UBE2D2: variants seen among roughly 807,000 people sequenced by gnomAD.
UBE2D2 encodes the protein ubiquitin-conjugating enzyme E2 D2.
A neutral mutation model predicts 24.2 loss-of-function variants in UBE2D2; 2 were observed. The observed-to-expected ratio is 0.08, with a 90% confidence interval of 0.03 to 0.26. UBE2D2 has a LOEUF of 0.26. Among genes scored for constraint, UBE2D2 ranks in the 10% least tolerant of loss-of-function variants. The pLI is 1.00. For synonymous variants in UBE2D2, 58 were observed against 56.5 expected (o/e 1.03, Z -0.12); for missense variants, 44 against 177.6 (o/e 0.25, Z 4.28).
chr5:139,580,124 A>G (rs988265516), intron 1 of UBE2D2, among the ~76,000 whole-genome samples: 7 of 151,746 alleles, frequency 4.6e-5, no homozygotes, highest in Non-Finnish European at 1.0e-4. Context: ...ACAGAGTCTC[A>G]CTCTTGTCAC....
Position 139,608,295 on chromosome 5 carries a change from A to C in UBE2D2, c.89-6291A>C, listed in dbSNP as rs182705651. 1.0e-3 allele frequency among the ~76,000 whole-genome samples: 157 copies of C among 152,092 alleles called. 1 individual carries two copies. The highest frequency in any genetic ancestry group is 3.7e-3 in the African/African-American group (153 of 41,510). ...AAAAATACAAAAAATTAGCCGGGTG[A>C]GGTGTTGCACACCTGTAATCCCAGC... On this transcript the variant is annotated intron_variant, in intron 2 of 6. Coordinates refer to ENST00000398733, the MANE Select transcript of UBE2D2 (RefSeq NM_003339.3).
At position 139,626,836 on chromosome 5, in the gene UBE2D2, G is replaced by A; in HGVS notation, c.*35G>A. ...TTATTGGATAACCTCTACAAATAAA[G>A]ATAGGGGAACTCTGAAAGAGAAAGT... On this transcript the variant is annotated 3_prime_UTR_variant, in exon 7 of 7. Coordinates refer to ENST00000398733, the MANE Select transcript of UBE2D2 (RefSeq NM_003339.3). The A allele has an allele frequency of 2.5e-6, 4 of 1,574,066 alleles. No homozygotes were observed. The South Asian group carries it at 4.5e-5, about 18-fold the overall frequency.
At chr5:139,591,330 G>A (rs1213704242) in intron 1 of UBE2D2, among the ~76,000 whole-genome samples, 2 of 151,654 alleles carry the variant, frequency 1.3e-5, no homozygotes, top group African/African-American at 4.8e-5. Flanking sequence ...ATGCTGGTCA[G>A]GCTGGTCTCA....
intron 1 of UBE2D2, among the ~76,000 whole-genome samples, chr5:139,565,911 A>G (rs527274522): frequency 6.6e-6 from 1 of 152,272 alleles, no homozygotes; most frequent in East Asian, 1.9e-4. Flanking sequence ...GTAATAGTGC[A>G]TTGTACATTT....
intron 6 of UBE2D2, chr5:139,623,685 CTTTT>C (rs932615006): frequency 2.8e-6 from 1 of 358,048 alleles, no homozygotes; most frequent in African/African-American, 2.1e-5. Flanking sequence ...TCTACAAAAA[CTTTT>C]TTTTTTGTTT....
At chr5:139,618,182 C>T (rs764881297) in intron 5 of UBE2D2, among the ~76,000 whole-genome samples, 1 of 152,018 alleles carries the variant, frequency 6.6e-6, no homozygotes, top group African/African-American at 2.4e-5. Flanking sequence ...CCATGTTGGT[C>T]AGGCTGGTCT....
intron 1 of UBE2D2, among the ~76,000 whole-genome samples, chr5:139,564,912 A>G (rs1371744340): frequency 1.3e-5 from 2 of 152,166 alleles, no homozygotes; most frequent in East Asian, 3.8e-4. Flanking sequence ...AACAAAATGG[A>G]GATTAATTTT....
chr5:139,563,292 A>G (rs1753149212), intron 1 of UBE2D2, among the ~76,000 whole-genome samples: 1 of 152,192 alleles, frequency 6.6e-6, no homozygotes, highest in Admixed American at 6.6e-5. Context: ...TACTATAATT[A>G]GGTTAGCTCC....
At chr5:139,558,233 C>T (rs1753006591), upstream of UBE2D2, among the ~76,000 whole-genome samples, 1 of 152,106 alleles carries the variant, frequency 6.6e-6, no homozygotes, top group Non-Finnish European at 1.5e-5. Context: ...GAATACAAAG[C>T]CATTAAAATA....
Position 139,627,842 on chromosome 5 carries a change from C to T in UBE2D2, c.*1041C>T, listed in dbSNP as rs369245200. ...GTTACATTGTAAAAAGGATATCTTA[C>T]GAGTAATTTTATTGAACAAGTTAGA... On this transcript the variant is annotated 3_prime_UTR_variant, in exon 7 of 7. Coordinates refer to ENST00000398733, the MANE Select transcript of UBE2D2 (RefSeq NM_003339.3). The T allele has an allele frequency of 1.6e-4, 24 of 152,718 alleles. No homozygotes were observed. In the East Asian group the frequency reaches 3.7e-3, roughly 23 times the overall value. 9.5% of individuals were successfully genotyped at this position (152,718 alleles called of 1,614,324 possible). A position where few individuals can be genotyped will look rare whatever the true frequency, so the allele number is the denominator to read the frequency against.
Position 139,533,293 on chromosome 5 carries a change from T to C in UBE2D2, c.-64+6681T>C, listed in dbSNP as rs1458671909. Among the ~76,000 whole-genome samples the C allele has an allele frequency of 7.2e-5, 11 of 151,822 alleles. No homozygotes were observed. In the South Asian group the frequency reaches 2.3e-3, roughly 31 times the overall value. On this transcript the variant is annotated intron_variant, in intron 1 of 6. Transcript: ENST00000511725. ...CTGTGTTGAAAAAAAAATCATTGAA[T>C]TGTACACCTAAAATGAATGAAATTG...
At chr5:139,567,241 A>G (rs1337805995) in intron 1 of UBE2D2, among the ~76,000 whole-genome samples, 1 of 151,890 alleles carries the variant, frequency 6.6e-6, no homozygotes, top group Non-Finnish European at 1.5e-5. Flanking sequence ...CTGAGACTAC[A>G]AGCTCGCACC....
chr5:139,610,590 G>T (rs2126697364), intron 2 of UBE2D2, among the ~76,000 whole-genome samples: 1 of 149,608 alleles, frequency 6.7e-6, no homozygotes, highest in South Asian at 2.1e-4. Flanking sequence ...AATCCAGGAG[G>T]GTCTGGGCAC....
At chr5:139,623,261 G>A in intron 5 of UBE2D2, 107 bp from the exon 6 acceptor site, 1 of 577,384 alleles carries the variant, frequency 1.7e-6, no homozygotes, top group Non-Finnish European at 3.0e-6. Context: ...AAGCTGCTAG[G>A]CATTACAGTA....
intron 1 of UBE2D2, among the ~76,000 whole-genome samples, chr5:139,534,568 G>GAAA (rs77999908): frequency 8.8e-6 from 1 of 114,154 alleles, no homozygotes; most frequent in Non-Finnish European, 1.8e-5. Flanking sequence ...ACTGTCTCAG[G>GAAA]AAAAAAAAAA....
chr5:139,583,864 T>C (rs1338114274), intron 1 of UBE2D2, among the ~76,000 whole-genome samples: 2 of 152,224 alleles, frequency 1.3e-5, no homozygotes, highest in African/African-American at 4.8e-5. Flanking sequence ...ATAATGACAT[T>C]TTGGTCAATG....
intron 1 of UBE2D2, among the ~76,000 whole-genome samples, chr5:139,575,387 T>A (rs1026801972): frequency 6.6e-6 from 1 of 152,138 alleles, no homozygotes; most frequent in African/African-American, 2.4e-5. Flanking sequence ...AAATCTTAGG[T>A]GTCAGTGTTA....
intron 2 of UBE2D2, among the ~76,000 whole-genome samples, chr5:139,614,247 A>G (rs990064813): frequency 1.3e-5 from 2 of 152,042 alleles, no homozygotes; most frequent in Non-Finnish European, 2.9e-5. Context: ...TTTGTTTTTG[A>G]GAGAGTCTTG....
intron 1 of UBE2D2, among the ~76,000 whole-genome samples, chr5:139,573,289 G>A (rs1468623282): frequency 6.4e-5 from 9 of 140,598 alleles, no homozygotes; most frequent in East Asian, 4.1e-4. Context: ...ACGACAGAGC[G>A]AAACTCCATC....
Sources: allele counts gnomAD v4.1 joint callset (sites outside exome capture counted in the v4.1 genomes callset), GRCh38; gene constraint gnomAD v4.1.1; transcripts MANE v1.5; gene names NCBI Gene and HGNC (gene_info 2026-07-23, HGNC 2026-07-21).